ARPIN: variants seen among roughly 807,000 people sequenced by gnomAD.
ARPIN encodes the protein UPF0552 protein C15orf38.
ARPIN carries 23 observed loss-of-function variants against 25.9 expected under a neutral mutation model. The observed-to-expected ratio is 0.89, with a 90% CI of 0.64 to 1.26. The LOEUF (loss-of-function observed/expected upper bound fraction) is 1.26. Among genes scored for constraint, ARPIN ranks in the 50% most tolerant of loss-of-function variants. The probability of loss-of-function intolerance (pLI) is 0.00; values close to 1 mark genes in which losing one functional copy is unlikely to be tolerated. For missense variants in ARPIN, 333 were observed against 312.2 expected, an observed-to-expected ratio of 1.07 and a Z score of -0.50; for synonymous variants, 126 against 131.4, an observed-to-expected ratio of 0.96 and a Z score of 0.28.
chr15:89,900,554 G>A lies in ARPIN; in HGVS notation c.*1241C>T, dbSNP rs905305427. On this transcript the variant is annotated 3_prime_UTR_variant, in exon 6 of 6. Transcript: ENST00000357484. Reference sequence around the variant, plus strand: ...CCTCATGGACTGTTGTGAGAAGTACGATATCGCAAGTGCTTAGCACAAGTA... The same window carrying A: ...CCTCATGGACTGTTGTGAGAAGTACAATATCGCAAGTGCTTAGCACAAGTA... 1 of 152,170 alleles carries A rather than the reference G, an allele frequency of 6.6e-6. No homozygotes were observed. Among genetic ancestry groups the A allele is most frequent in the Non-Finnish European group, 1.5e-5 (1 of 68,054 alleles). 9.4% of individuals were successfully genotyped at this position (152,170 alleles called of 1,614,324 possible).
At position 89,898,340 on chromosome 15, in the gene ARPIN, G is replaced by A. The variant is rs998628118; in HGVS notation, c.*3455C>T. 1 of 152,116 alleles carries A rather than the reference G, an allele frequency of 6.6e-6. No homozygotes were observed. 9.4% of individuals were successfully genotyped at this position (152,116 alleles called of 1,614,324 possible). Reference sequence around the variant, plus strand: ...GGCAATGCAAGTGGGGGAGTGACCTGCTCTGGGAACAGCCAGCCCCTCCAT... The same window carrying A: ...GGCAATGCAAGTGGGGGAGTGACCTACTCTGGGAACAGCCAGCCCCTCCAT... On this transcript the variant is annotated 3_prime_UTR_variant, in exon 6 of 6. Coordinates refer to ENST00000357484, the MANE Select transcript of ARPIN (RefSeq NM_182616.4).
Position 89,912,839 on chromosome 15 carries a change from C to A in ARPIN, c.-4G>T. 1 of 1,519,258 alleles carries A rather than the reference C, an allele frequency of 6.6e-7. No homozygotes were observed. Among genetic ancestry groups the A allele is most frequent in the African/African-American group, 1.4e-5 (1 of 69,220 alleles). 94.1% of individuals were successfully genotyped at this position (1,519,258 alleles called of 1,614,324 possible). ...CGTCGTGGTAGATGCGGCTCATTCT[C>A]CCGACCGCCCGGGCACCCCGGCACA... On this transcript the variant is annotated 5_prime_UTR_variant, in exon 1 of 6. Coordinates refer to ENST00000357484, the MANE Select transcript of ARPIN (RefSeq NM_182616.4).
rs113729591 is a variant in ARPIN, at chr15:89,899,576, G to C, written c.*2219C>G. 1 of 152,090 alleles carries C rather than the reference G, an allele frequency of 6.6e-6. No individual in the cohort carries two copies. The highest frequency in any genetic ancestry group is 2.4e-5 in the African/African-American group (1 of 41,302). 9.4% of individuals were successfully genotyped at this position (152,090 alleles called of 1,614,324 possible). ...TCTGGGCATCATTCTTGATCCCTTC[G>C]TCTCCCCCCAGGTCCTGTTGATTTT... On this transcript the variant is annotated 3_prime_UTR_variant, in exon 6 of 6. Coordinates refer to ENST00000357484, the MANE Select transcript of ARPIN (RefSeq NM_182616.4).
intron 1 of ARPIN, 178 bp downstream of exon 1, chr15:89,912,566 G>GCGGGCGCGGCGGCAGGGGCGC (rs1159242130): frequency 2.1e-5 from 28 of 1,348,946 alleles, no homozygotes; most frequent in Non-Finnish European, 2.6e-5. Context: ...GGGTCGCTGG[G>GCGGGCGCGGCGGCAGGGGCGC]CGGGCGCGGC....
At position 89,903,242 on chromosome 15, in the gene ARPIN, C is replaced by T. The variant is rs776243139; in HGVS notation, c.646G>A (p.Gly216Arg). 31 of 1,614,128 alleles carry T rather than the reference C, an allele frequency of 1.9e-5. No homozygotes were observed. The South Asian group carries it at 3.4e-4, about 18-fold the overall frequency. The change falls in exon 5 of 6, where the codon GGG (glycine) becomes AGG (arginine). Residue 216 changes from glycine to arginine, a missense_variant. By Grantham distance (125) the Gly-to-Arg change is moderately radical. Coordinates refer to ENST00000357484, the MANE Select transcript of ARPIN (RefSeq NM_182616.4). ...CACTCCTCGTCCTCTGCCCCATCCCCCTGCTCTCGGATCTCCGCTGCAGCC... is the reference window on the plus strand; with the variant it reads ...CACTCCTCGTCCTCTGCCCCATCCCTCTGCTCTCGGATCTCCGCTGCAGCC... ...KGAAAEIREQ[G>R]DGAEDEEWDD
intron 1 of ARPIN, chr15:89,912,107 C>T (rs1567197963): frequency 2.5e-6 from 2 of 814,374 alleles, no homozygotes; most frequent in Non-Finnish European, 1.5e-6. Flanking sequence ...AGGCGTGAAC[C>T]ACAGCGCCTG....
chr15:89,908,349 C>T lies in ARPIN; in HGVS notation c.232G>A (p.Gly78Arg). 2 of 1,614,160 alleles carry T rather than the reference C, an allele frequency of 1.2e-6. No homozygotes were observed. The highest frequency in any genetic ancestry group is 2.2e-5 in the East Asian group (1 of 44,882). ...HIHRRKFDAKGNEIEPNFSAT... is the reference protein window; with the variant it reads ...HIHRRKFDAKRNEIEPNFSAT... ...CTGAAGTTGGGCTCGATTTCATTTC[C>T]CTTGGCGTCGAATTTACGGCGATGG... is the stretch of plus-strand genomic sequence containing the variant. The change falls in exon 3 of 6, where the codon GGA (glycine) becomes AGA (arginine). Residue 78 changes from glycine to arginine, a missense_variant. By Grantham distance (125) the Gly-to-Arg change is moderately radical. Transcript: ENST00000357484.
At position 89,906,250 on chromosome 15, in the gene ARPIN, C is replaced by T. The variant is rs114959258; in HGVS notation, c.301+2030G>A. Among the ~76,000 whole-genome samples the T allele has an allele frequency of 8.5e-3, 1,293 of 152,274 alleles. 27 individuals carry two copies. The highest frequency in any genetic ancestry group is 0.029 in the African/African-American group (1,205 of 41,546). On this transcript the variant is annotated intron_variant, in intron 3 of 5. Coordinates refer to ENST00000357484, the MANE Select transcript of ARPIN (RefSeq NM_182616.4). The stretch of plus-strand genomic sequence containing the variant: ...TCAAACACAGACCTGATCACATCAC[C>T]TGCCTACTTAAAACCTCACTACAGG...
intron 3 of ARPIN, among the ~76,000 whole-genome samples, chr15:89,905,753 T>C (rs892845070): frequency 1.3e-5 from 2 of 152,060 alleles, no homozygotes; most frequent in Non-Finnish European, 2.9e-5. Context: ...ATCCATCTCC[T>C]ATTGTTGCTA....
At chr15:89,902,850 G>C in intron 5 of ARPIN, 1 of 1,175,502 alleles carries the variant, frequency 8.5e-7, no homozygotes, top group Non-Finnish European at 1.1e-6. Flanking sequence ...CAAACCAAAG[G>C]AGGAAAAACT....
rs922910902 is a variant in ARPIN at position 89,900,216 on chromosome 15, C to T, written c.*1579G>A. The T allele has an allele frequency of 1.3e-5, 2 of 152,236 alleles. No individual in the cohort carries two copies. The highest frequency in any genetic ancestry group is 2.4e-5 in the African/African-American group (1 of 41,438). 9.4% of individuals were successfully genotyped at this position (152,236 alleles called of 1,614,324 possible). On this transcript the variant is annotated 3_prime_UTR_variant, in exon 6 of 6. Coordinates refer to ENST00000357484, the MANE Select transcript of ARPIN (RefSeq NM_182616.4). ...ACACAGAACACCAGTGAAGTGGCTA[C>T]CACATCCTCTGGCCCCTGTTTCCAA... is the stretch of plus-strand genomic sequence containing the variant.
At chr15:89,912,164 T>C in intron 1 of ARPIN, 2 of 976,316 alleles carry the variant, frequency 2.0e-6, no homozygotes, top group Admixed American at 6.2e-5. Context: ...AGGTTCCATA[T>C]ACGAGATCAC....
At chr15:89,909,734 C>G (rs1808100362) in intron 2 of ARPIN, among the ~76,000 whole-genome samples, 2 of 152,120 alleles carry the variant, frequency 1.3e-5, no homozygotes, top group Non-Finnish European at 2.9e-5. Context: ...AGGCTGAGGG[C>G]CCATCTCAGG....
At position 89,899,696 on chromosome 15, in the gene ARPIN, A is replaced by G. The variant is rs1485018499; in HGVS notation, c.*2099T>C. On this transcript the variant is annotated 3_prime_UTR_variant, in exon 6 of 6. Transcript: ENST00000357484. ...TCTAGCCTCTCACCCAGGCAACTGC[A>G]GCAGTCTCCTAAAGGAGCAACTCGC... is the stretch of plus-strand genomic sequence containing the variant. 1 of 152,268 alleles carries G rather than the reference A, an allele frequency of 6.6e-6. No individual in the cohort carries two copies. The highest frequency in any genetic ancestry group is 1.5e-5 in the Non-Finnish European group (1 of 68,176). 9.4% of individuals were successfully genotyped at this position (152,268 alleles called of 1,614,324 possible).
At chr15:89,903,006 G>C (rs1897047989) in intron 5 of ARPIN, 2 of 1,450,140 alleles carry the variant, frequency 1.4e-6, no homozygotes, top group East Asian at 5.0e-5. Context: ...GTTAGGTTCA[G>C]AGCCACCTAC....
In ARPIN at chr15:89,912,924, C is replaced by T. The variant is rs1046771548; in HGVS notation, c.-89G>A. The stretch of plus-strand genomic sequence containing the variant: ...AAGTGCTGCAGGACGCGCGGGGACC[C>T]GCGATTCCCAGCCGGCGGATCCGGG... On this transcript the variant is annotated 5_prime_UTR_variant, in exon 1 of 6. Coordinates refer to ENST00000357484, the MANE Select transcript of ARPIN (RefSeq NM_182616.4). 4 of 1,396,798 alleles carry T rather than the reference C, an allele frequency of 2.9e-6. No individual in the cohort carries two copies. Among genetic ancestry groups the T allele is most frequent in the Non-Finnish European group, 3.7e-6 (4 of 1,077,988 alleles). 86.5% of individuals were successfully genotyped at this position (1,396,798 alleles called of 1,614,324 possible).
intron 1 of ARPIN, among the ~76,000 whole-genome samples, chr15:89,911,121 T>C (rs1156894626): frequency 6.6e-6 from 1 of 152,242 alleles, no homozygotes; most frequent in Non-Finnish European, 1.5e-5. Context: ...TGCCTCACTC[T>C]GCTCCTCTGA....
intron 3 of ARPIN, among the ~76,000 whole-genome samples, chr15:89,907,551 C>T (rs746888426): frequency 1.1e-4 from 16 of 152,232 alleles, no homozygotes; most frequent in African/African-American, 3.4e-4. Context: ...AAGAAGGCAC[C>T]GTCTCTGAAG....
rs1896939536 is a variant in ARPIN at position 89,896,901 on chromosome 15, G to A, written c.*4894C>T. ...TTCTCACAAGGGCAGCATAAAAATGGTTCTCCCCTACATTGCTGGTGAAAT... is the reference window on the plus strand; with the variant it reads ...TTCTCACAAGGGCAGCATAAAAATGATTCTCCCCTACATTGCTGGTGAAAT... On this transcript the variant is annotated 3_prime_UTR_variant, in exon 6 of 6. Coordinates refer to ENST00000357484, the MANE Select transcript of ARPIN (RefSeq NM_182616.4). The A allele has an allele frequency of 6.6e-6, 1 of 152,124 alleles. No homozygotes were observed. Among genetic ancestry groups the A allele is most frequent in the African/African-American group, 2.4e-5 (1 of 41,424 alleles). The allele number at this position is 152,124 out of a possible 1,614,324, so 9.4% of individuals were successfully genotyped here. A position where few individuals can be genotyped will look rare whatever the true frequency, so the allele number is the denominator to read the frequency against.
Sources: allele counts gnomAD v4.1 joint callset (sites outside exome capture counted in the v4.1 genomes callset), GRCh38; gene constraint gnomAD v4.1.1; transcripts MANE v1.5; gene names NCBI Gene and HGNC (gene_info 2026-07-23, HGNC 2026-07-21).